The following CAP2 variants were observed in gnomAD, a reference collection of about 807,000 sequenced individuals.
The protein encoded by CAP2 is adenylyl cyclase-associated protein 2.
A neutral mutation model predicts 57.7 loss-of-function variants in CAP2; 24 were observed. That is an observed-to-expected ratio of 0.42 (90% CI 0.30 to 0.58). The LOEUF is 0.58. Ranked by LOEUF, CAP2 falls within the 20% of genes least tolerant of loss-of-function variation. The pLI is 0.22. For synonymous variants in CAP2, 194 were observed against 207.2 expected (o/e 0.94, Z 0.55); for missense variants, 501 against 590.3 (o/e 0.85, Z 1.57).
intron 4 of CAP2, among the ~76,000 whole-genome samples, chr6:17,468,409 T>C (rs1366053947): frequency 1.3e-5 from 2 of 152,236 alleles, no homozygotes; most frequent in African/African-American, 4.8e-5. Context: ...AACAGTATTC[T>C]TACCATGTGC....
chr6:17,431,252 A>T (rs537607858), intron 3 of CAP2, among the ~76,000 whole-genome samples: 1 of 152,296 alleles, frequency 6.6e-6, no homozygotes, highest in South Asian at 2.1e-4. Context: ...CCTCCGCGAC[A>T]CAAAATTTAC....
chr6:17,433,019 T>A (rs1759783268), intron 3 of CAP2, among the ~76,000 whole-genome samples: 1 of 141,486 alleles, frequency 7.1e-6, no homozygotes, highest in Non-Finnish European at 1.5e-5. Flanking sequence ...TTCTATCTTC[T>A]ACAGAGAAGG....
intron 1 of CAP2, among the ~76,000 whole-genome samples, chr6:17,403,712 AT>A (rs1224381636): frequency 2.0e-4 from 30 of 152,304 alleles, no homozygotes; most frequent in Admixed American, 1.1e-3. Flanking sequence ...AATATGTAAA[AT>A]TAAGATAAAC....
At chr6:17,465,566 C>G (rs1241606645) in intron 4 of CAP2, among the ~76,000 whole-genome samples, 1 of 152,158 alleles carries the variant, frequency 6.6e-6, no homozygotes. Flanking sequence ...CTACTACTTC[C>G]ACCTGACAGA....
chr6:17,518,109 A>G (rs1379289023), intron 7 of CAP2, among the ~76,000 whole-genome samples: 2 of 152,190 alleles, frequency 1.3e-5, no homozygotes, highest in African/African-American at 4.8e-5. Context: ...CTAATGGAAG[A>G]GAAAATGATA....
intron 3 of CAP2, among the ~76,000 whole-genome samples, chr6:17,439,248 T>C (rs1214387881): frequency 8.8e-6 from 1 of 113,966 alleles, no homozygotes; most frequent in Admixed American, 8.6e-5. Context: ...AAGGCATGGA[T>C]CCAACTGTTT....
chr6:17,405,057 G>A (rs937327877), intron 1 of CAP2, among the ~76,000 whole-genome samples: 63 of 152,030 alleles, frequency 4.1e-4, no homozygotes, highest in African/African-American at 1.4e-3. Flanking sequence ...CATATACCAC[G>A]TTTTTTCCTA....
intron 3 of CAP2, among the ~76,000 whole-genome samples, chr6:17,449,597 C>T (rs1046519646): frequency 1.3e-5 from 2 of 151,780 alleles, no homozygotes; most frequent in African/African-American, 4.8e-5. Flanking sequence ...TTAGTAGAGG[C>T]GGGGTTTCGC....
intron 7 of CAP2, among the ~76,000 whole-genome samples, chr6:17,518,806 T>G (rs1330504253): frequency 1.3e-5 from 2 of 151,918 alleles, no homozygotes; most frequent in Non-Finnish European, 2.9e-5. Flanking sequence ...CCTGGCTAAT[T>G]TTTTTATTTT....
At chr6:17,554,750 G>A (rs1763254745) in intron 12 of CAP2, among the ~76,000 whole-genome samples, 1 of 152,238 alleles carries the variant, frequency 6.6e-6, no homozygotes, top group African/African-American at 2.4e-5. Flanking sequence ...CCAGAAGACA[G>A]GTCCAAGGCC....
chr6:17,545,130 A>G (rs1271449367), intron 11 of CAP2, among the ~76,000 whole-genome samples: 1 of 152,230 alleles, frequency 6.6e-6, no homozygotes, highest in Non-Finnish European at 1.5e-5. Context: ...GTAATATTTG[A>G]TGGCAGAGGT....
chr6:17,462,280 G>T (rs1760750902), intron 3 of CAP2, among the ~76,000 whole-genome samples: 1 of 152,024 alleles, frequency 6.6e-6, no homozygotes, highest in Non-Finnish European at 1.5e-5. Context: ...TGGCTTAAGG[G>T]ACAATTCTCT....
At chr6:17,433,757 C>G (rs745703525) in intron 3 of CAP2, among the ~76,000 whole-genome samples, 1 of 152,202 alleles carries the variant, frequency 6.6e-6, no homozygotes, top group Non-Finnish European at 1.5e-5. Context: ...TTATTCTCAG[C>G]GTAGAACACA....
intron 3 of CAP2, among the ~76,000 whole-genome samples, chr6:17,443,381 C>T (rs535488908): frequency 2.6e-5 from 4 of 152,120 alleles, no homozygotes; most frequent in Non-Finnish European, 5.9e-5. Context: ...CCCTACTTGC[C>T]GTCTTTCTAA....
At chr6:17,553,532 C>A (rs970729946) in intron 12 of CAP2, among the ~76,000 whole-genome samples, 1 of 151,402 alleles carries the variant, frequency 6.6e-6, no homozygotes, top group Non-Finnish European at 1.5e-5. Flanking sequence ...ACTCAGGAGG[C>A]TGAAGAAGGA....
intron 7 of CAP2, among the ~76,000 whole-genome samples, chr6:17,528,236 A>G (rs999740387): frequency 6.6e-6 from 1 of 152,276 alleles, no homozygotes; most frequent in African/African-American, 2.4e-5. Context: ...GGTGTATTAA[A>G]TGCATATTTG....
chr6:17,449,488 C>G (rs961841455), intron 3 of CAP2, among the ~76,000 whole-genome samples: 1 of 151,984 alleles, frequency 6.6e-6, no homozygotes, highest in Non-Finnish European at 1.5e-5. Context: ...CTCACTGCAA[C>G]CTCCGCCTCT....
At chr6:17,544,929 A>G (rs1434551996) in intron 11 of CAP2, among the ~76,000 whole-genome samples, 1 of 152,122 alleles carries the variant, frequency 6.6e-6, no homozygotes, top group African/African-American at 2.4e-5. Flanking sequence ...TACGCATGCA[A>G]ATTTTAAGGA....
chr6:17,442,051 C>T (rs1187337534), intron 3 of CAP2, among the ~76,000 whole-genome samples: 1 of 152,158 alleles, frequency 6.6e-6, no homozygotes, highest in Non-Finnish European at 1.5e-5. Context: ...GAGGAAGAAC[C>T]TCCACAATGA....
Sources: gnomAD v4.1 joint callset for allele counts (sites outside exome capture counted in the v4.1 genomes callset) on GRCh38, gnomAD v4.1.1 for gene constraint, MANE v1.5 for transcripts, NCBI Gene and HGNC (gene_info 2026-07-23, HGNC 2026-07-21) for gene names.